Variants in LARGE1 observed in about 807,000 individuals in gnomAD.
LARGE1 encodes xylosyl- and glucuronyltransferase LARGE1.
In LARGE1, 43 loss-of-function variants were observed where a neutral mutation model predicts 87.6. The ratio of observed to expected loss-of-function variants is 0.49; its 90% CI spans 0.38 to 0.63. The LOEUF (loss-of-function observed/expected upper bound fraction) is 0.63, where lower values mean the gene tolerates loss of function less well. LARGE1 is among the 30% of genes least tolerant of loss of function. LARGE1 has a pLI of 0.00. For synonymous variants in LARGE1, 434 were observed against 394.6 expected, an observed-to-expected ratio of 1.10 and a Z score of -1.18; for missense variants, 802 against 1,000.2, an observed-to-expected ratio of 0.80 and a Z score of 2.67.
the LARGE1 span, among the ~76,000 whole-genome samples, chr22:33,108,373 G>T: frequency 6.6e-6 from 1 of 152,186 alleles, no homozygotes; most frequent in African/African-American, 2.4e-5. Flanking sequence ...TCAAGTTAGT[G>T]GAGAGCTCTC....
At chr22:33,252,194 AATT>A (rs1927037161) in intron 11 of LARGE1, among the ~76,000 whole-genome samples, 1 of 151,906 alleles carries the variant, frequency 6.6e-6, no homozygotes, top group Non-Finnish European at 1.5e-5. Flanking sequence ...AACTCCTAAT[AATT>A]ATTTTTAAGT....
At chr22:33,104,500 C>G in the LARGE1 span, among the ~76,000 whole-genome samples, 2 of 152,234 alleles carry the variant, frequency 1.3e-5, no homozygotes, top group Middle Eastern at 3.4e-3. Context: ...GGGGTACATG[C>G]GAGTGACAAT....
chr22:33,758,948 T>C (rs1441455688), intron 2 of LARGE1, among the ~76,000 whole-genome samples: 1 of 152,182 alleles, frequency 6.6e-6, no homozygotes, highest in Non-Finnish European at 1.5e-5. Context: ...CCGCAGTGAC[T>C]GGTTTCAGGA....
chr22:33,582,442 TAAAG>T (rs1569289332), intron 5 of LARGE1, among the ~76,000 whole-genome samples: 1 of 151,994 alleles, frequency 6.6e-6, no homozygotes, highest in African/African-American at 2.4e-5. Flanking sequence ...TCAGAATCCT[TAAAG>T]AAAGAAAAGT....
rs74568536 is a variant in LARGE1, at chr22:33,361,767, C to T, written c.1131+20152G>A. 4.9e-3 allele frequency among the ~76,000 whole-genome samples: 732 copies of T among 149,596 alleles called. 37 individuals are homozygous for T. The highest frequency in any genetic ancestry group is 0.017 in the African/African-American group (693 of 40,746). On this transcript the variant is annotated intron_variant, in intron 9 of 14. Transcript: ENST00000397394. ...GAGTCCCTCCTCTTTAGAGTCCCTCCTCTTGCTCTGTTAGGCTCCCTCACT... is the reference window on the plus strand; with the variant it reads ...GAGTCCCTCCTCTTTAGAGTCCCTCTTCTTGCTCTGTTAGGCTCCCTCACT...
chr22:33,316,241 T>C lies in LARGE1; in HGVS notation c.1295A>G (p.Lys432Arg), dbSNP rs763448708. 2 of 1,613,538 alleles carry C rather than the reference T, an allele frequency of 1.2e-6. No individual in the cohort carries two copies. Among genetic ancestry groups the C allele is most frequent in the Non-Finnish European group, 1.7e-6 (2 of 1,179,888 alleles). The change falls in exon 11 of 15, where the codon AAG becomes AGG. Residue 432 changes from lysine to arginine, a missense_variant. Transcript: ENST00000397394. ...GTCCTCGTCCAGCTCAGACAGCTGC[T>C]TCTGGAGCTGCAGGGTAGGAGAGAG... ...EADVNSENLQ[K>R]QLSELDEDDL... is the part of the protein sequence containing the mutation.
intron 7 of LARGE1, among the ~76,000 whole-genome samples, chr22:33,416,718 C>G (rs747659331): frequency 5.9e-5 from 9 of 151,636 alleles, no homozygotes; most frequent in Non-Finnish European, 1.3e-4. Context: ...ATTTTCTTAC[C>G]TCAGCTTCTA....
the LARGE1 span, among the ~76,000 whole-genome samples, chr22:33,077,881 A>G: frequency 3.9e-5 from 6 of 152,146 alleles, no homozygotes; most frequent in Non-Finnish European, 1.5e-5. Context: ...TACACTGAGT[A>G]TAATAATCTG....
intron 7 of LARGE1, among the ~76,000 whole-genome samples, chr22:33,389,506 C>T (rs149974359): frequency 6.6e-6 from 1 of 152,310 alleles, no homozygotes; most frequent in African/African-American, 2.4e-5. Flanking sequence ...GAAAGCCAGA[C>T]AAGGATGTAG....
intron 5 of LARGE1, among the ~76,000 whole-genome samples, chr22:33,584,384 G>A (rs2078607692): frequency 6.6e-6 from 1 of 152,118 alleles, no homozygotes; most frequent in Non-Finnish European, 1.5e-5. Flanking sequence ...CCCAAGGCTC[G>A]GCTCAGGGTT....
intron 11 of LARGE1, among the ~76,000 whole-genome samples, chr22:33,207,403 C>A (rs1391248325): frequency 1.3e-5 from 2 of 152,210 alleles, no homozygotes; most frequent in Non-Finnish European, 2.9e-5. Context: ...CTTCTCACTG[C>A]ATGATTCTCT....
intron 11 of LARGE1, among the ~76,000 whole-genome samples, chr22:33,207,774 T>C (rs1924759195): frequency 6.6e-6 from 1 of 152,164 alleles, no homozygotes; most frequent in African/African-American, 2.4e-5. Context: ...GCAAAGGGGA[T>C]GCCAGGCTAC....
At chr22:33,620,774 G>A (rs1190883000) in intron 4 of LARGE1, among the ~76,000 whole-genome samples, 1 of 151,958 alleles carries the variant, frequency 6.6e-6, no homozygotes, top group Non-Finnish European at 1.5e-5. Flanking sequence ...AAAATTAGCC[G>A]GGCGTGGTGG....
chr22:33,405,700 G>A (rs896118905), intron 7 of LARGE1, among the ~76,000 whole-genome samples: 4 of 152,116 alleles, frequency 2.6e-5, no homozygotes, highest in South Asian at 2.1e-4. Context: ...ATGGTGTAAC[G>A]ATCCTTACAA....
intron 6 of LARGE1, among the ~76,000 whole-genome samples, chr22:33,557,152 GAAC>G (rs2077714936): frequency 6.6e-6 from 1 of 152,136 alleles, no homozygotes; most frequent in Non-Finnish European, 1.5e-5. Context: ...CATTTTTATA[GAAC>G]AACAACAAAA....
At chr22:33,329,601 C>G (rs950859517) in intron 10 of LARGE1, among the ~76,000 whole-genome samples, 7 of 152,078 alleles carry the variant, frequency 4.6e-5, no homozygotes, top group Admixed American at 1.3e-4. Flanking sequence ...TAAACAGTAT[C>G]TTTCCTCCTC....
At chr22:33,116,435 A>G in the LARGE1 span, 24 of 152,224 alleles carry the variant, frequency 1.6e-4, no homozygotes, top group African/African-American at 5.5e-4. Flanking sequence ...GCTCACTGCA[A>G]GCTCCGCCTC....
chr22:33,604,362 A>G (rs1293061260), intron 5 of LARGE1, 73 bp downstream of exon 5: 53 of 1,595,298 alleles, frequency 3.3e-5, no homozygotes, highest in Middle Eastern at 1.7e-4. Flanking sequence ...GCATTGCTAC[A>G]GTCTGCTCAA....
At chr22:33,216,498 G>A (rs957677543) in intron 11 of LARGE1, among the ~76,000 whole-genome samples, 8 of 151,868 alleles carry the variant, frequency 5.3e-5, no homozygotes, top group East Asian at 1.9e-4. Context: ...GCTTGGTGGC[G>A]GGTGCCTGTA....
Sources: allele counts gnomAD v4.1 joint callset (sites outside exome capture counted in the v4.1 genomes callset), GRCh38; gene constraint gnomAD v4.1.1; transcripts MANE v1.5; gene names NCBI Gene and HGNC (gene_info 2026-07-23, HGNC 2026-07-21).